Variants in UNC79 observed in about 807,000 individuals in gnomAD.
UNC79 encodes unc-79 subunit of NALCN channel complex.
A neutral mutation model predicts 283.1 loss-of-function variants in UNC79; 37 were observed. That is an observed-to-expected ratio of 0.13 (90% CI 0.10 to 0.17). The LOEUF (loss-of-function observed/expected upper bound fraction) is 0.17, where lower values mean the gene tolerates loss of function less well. UNC79 is among the 10% of genes least tolerant of loss of function. The pLI, the probability that UNC79 is intolerant of heterozygous loss-of-function variation, is 1.00. For synonymous variants in UNC79, 1,107 were observed against 1,200.2 expected (o/e 0.92, Z 1.61); for missense variants, 2,272 against 3,211.1 (o/e 0.71, Z 7.07).
chr14:93,409,381 T>G (rs536621443), intron 1 of UNC79, among the ~76,000 whole-genome samples: 202 of 152,292 alleles, frequency 1.3e-3, no homozygotes, highest in Middle Eastern at 3.4e-3. Flanking sequence ...TGAAGAAAAC[T>G]ACAGCATATT....
At chr14:93,340,035 A>G (rs2053670211) in intron 1 of UNC79, among the ~76,000 whole-genome samples, 1 of 152,200 alleles carries the variant, frequency 6.6e-6, no homozygotes, top group Non-Finnish European at 1.5e-5. Context: ...TTGTAGAAAG[A>G]CACAAAAGTG....
chr14:93,584,010 T>TTGCTCA (rs2064026029), intron 20 of UNC79, among the ~76,000 whole-genome samples: 1 of 152,106 alleles, frequency 6.6e-6, no homozygotes. Context: ...TTTCGCCATG[T>TTGCTCA]TGCTCAGGCT....
At chr14:93,465,552 G>A (rs954766212) in intron 1 of UNC79, among the ~76,000 whole-genome samples, 6 of 152,182 alleles carry the variant, frequency 3.9e-5, no homozygotes, top group Admixed American at 3.9e-4. Context: ...GCATATTTGG[G>A]TACCTGTGGA....
At chr14:93,687,989 G>A (rs2074381407) in intron 43 of UNC79, among the ~76,000 whole-genome samples, 1 of 152,152 alleles carries the variant, frequency 6.6e-6, no homozygotes, top group South Asian at 2.1e-4. Flanking sequence ...AGCTAGGACA[G>A]ACCTGGGTCT....
At chr14:93,652,953 T>C (rs548355887) in intron 35 of UNC79, among the ~76,000 whole-genome samples, 1 of 152,350 alleles carries the variant, frequency 6.6e-6, no homozygotes, top group South Asian at 2.1e-4. Flanking sequence ...GCGTTATTTT[T>C]TCCTGAAGAA....
At chr14:93,664,025 C>T (rs1214661435) in intron 40 of UNC79, among the ~76,000 whole-genome samples, 1 of 152,026 alleles carries the variant, frequency 6.6e-6, no homozygotes, top group African/African-American at 2.4e-5. Flanking sequence ...CCTCATAATC[C>T]CTCATAACTT....
At chr14:93,435,834 A>G (rs1214767425) in intron 1 of UNC79, among the ~76,000 whole-genome samples, 3 of 152,168 alleles carry the variant, frequency 2.0e-5, no homozygotes, top group Non-Finnish European at 4.4e-5. Context: ...AGTTCCTCCA[A>G]TGCATCATGT....
chr14:93,571,885 C>T lies in UNC79; in HGVS notation c.1756-9C>T, dbSNP rs751903073. ...TTCTTTTCCCCTGTGGCTATGGAAA[C>T]CTCTTCAGGTTGGTGGCTACTGGGA... On this transcript the variant is annotated splice_polypyrimidine_tract_variant and intron_variant, in intron 14 of 48. Coordinates refer to ENST00000555664, the Ensembl canonical transcript of UNC79. 3.1e-6 allele frequency: 5 copies of T among 1,613,696 alleles called. No homozygotes were observed. In the East Asian group the frequency reaches 1.1e-4, roughly 36 times the overall value.
intron 1 of UNC79, among the ~76,000 whole-genome samples, chr14:93,355,429 C>T (rs2054066673): frequency 6.6e-6 from 1 of 152,110 alleles, no homozygotes; most frequent in South Asian, 2.1e-4. Context: ...GAACACTTGA[C>T]CTCGTGATCG....
intron 6 of UNC79, 54 bp downstream of exon 6, chr14:93,496,520 A>G (rs113545470): frequency 4.7e-6 from 6 of 1,267,150 alleles, no homozygotes; most frequent in African/African-American, 3.1e-5. Context: ...TGTATAATAC[A>G]GTAAAAACTG....
intron 1 of UNC79, among the ~76,000 whole-genome samples, chr14:93,455,210 T>C (rs1042678467): frequency 1.3e-5 from 2 of 152,214 alleles, no homozygotes; most frequent in African/African-American, 2.4e-5. Context: ...CCTTCATTTA[T>C]GTCTTTTATG....
intron 47 of UNC79, among the ~76,000 whole-genome samples, chr14:93,697,372 G>A (rs997871495): frequency 1.3e-5 from 2 of 152,078 alleles, no homozygotes; most frequent in Non-Finnish European, 2.9e-5. Context: ...CTGACCTCAG[G>A]TGATCTGCCC....
chr14:93,632,687 C>CAAA (rs1226006655), intron 31 of UNC79, among the ~76,000 whole-genome samples: 1 of 128,706 alleles, frequency 7.8e-6, no homozygotes, highest in African/African-American at 2.8e-5. Flanking sequence ...CACCCTGTCT[C>CAAA]AAAAAAAAAA....
At chr14:93,495,479 G>A (rs1290928019) in intron 5 of UNC79, among the ~76,000 whole-genome samples, 1 of 152,198 alleles carries the variant, frequency 6.6e-6, no homozygotes, top group African/African-American at 2.4e-5. Flanking sequence ...TTCAAGATGA[G>A]ATTTGGGTGG....
At position 93,688,527 on chromosome 14, in the gene UNC79, C is replaced by G. The variant is rs2074428227; in HGVS notation, c.6910-138C>G. Reference sequence around the variant, plus strand: ...TTTTATCCTAAGAACAATGGGAAGGCTCTGAAGAAGTTTAAGCAGGTTGTT... The same window carrying G: ...TTTTATCCTAAGAACAATGGGAAGGGTCTGAAGAAGTTTAAGCAGGTTGTT... On this transcript the variant is annotated intron_variant, in intron 43 of 48. Transcript: ENST00000555664. The surrounding 1 kb of genome is among the most constrained non-coding windows in gnomAD (Gnocchi z 4.0). 3.3e-6 allele frequency: 3 copies of G among 899,384 alleles called. No homozygotes were observed. The highest frequency in any genetic ancestry group is 5.0e-6 in the Non-Finnish European group (3 of 605,716). 55.7% of individuals were successfully genotyped at this position (899,384 alleles called of 1,614,324 possible).
At chr14:93,685,033 TTC>T (rs1335315647) in intron 42 of UNC79, among the ~76,000 whole-genome samples, 1 of 152,184 alleles carries the variant, frequency 6.6e-6, no homozygotes, top group Admixed American at 6.6e-5. Flanking sequence ...TATGTTTTGT[TTC>T]CTAAGTATAT....
intron 1 of UNC79, chr14:93,347,408 C>G: frequency 6.7e-7 from 1 of 1,492,886 alleles, no homozygotes; most frequent in Non-Finnish European, 8.9e-7. Context: ...AGTTGAGGCC[C>G]AGCCATCATG....
intron 47 of UNC79, among the ~76,000 whole-genome samples, chr14:93,695,893 A>AAAAC: frequency 2.3e-5 from 3 of 131,822 alleles, no homozygotes; most frequent in Non-Finnish European, 5.2e-5. Flanking sequence ...TTTGTCTCAA[A>AAAAC]AAAAAAAAAA....
intron 1 of UNC79, among the ~76,000 whole-genome samples, chr14:93,347,553 T>G (rs1344525158): frequency 1.3e-5 from 2 of 151,156 alleles, no homozygotes; most frequent in East Asian, 1.9e-4. Context: ...CTTGGTCGCC[T>G]TTGGGGGAGG....
Sources: allele counts gnomAD v4.1 joint callset (sites outside exome capture counted in the v4.1 genomes callset), GRCh38; gene constraint gnomAD v4.1.1; non-coding constraint Gnocchi (gnomAD v3.1); transcripts MANE v1.5; gene names NCBI Gene and HGNC (gene_info 2026-07-23, HGNC 2026-07-21).